Variants in SEMA5A observed in about 807,000 individuals in gnomAD.
The protein encoded by SEMA5A is semaphorin 5A, also known as semaphorin-5A.
In SEMA5A, 55 loss-of-function variants were observed where a neutral mutation model predicts 135.5. The ratio of observed to expected loss-of-function variants is 0.41; its 90% confidence interval spans 0.33 to 0.51. The LOEUF is 0.51. Among genes scored for constraint, SEMA5A ranks in the 20% least tolerant of loss-of-function variants. The pLI is 0.37. For missense variants in SEMA5A, 1,290 were observed against 1,419.9 expected (o/e 0.91, Z 1.47); for synonymous variants, 580 against 546.5 (o/e 1.06, Z -0.85).
At chr5:9,257,773 G>A (rs910256568) in intron 5 of SEMA5A, among the ~76,000 whole-genome samples, 2 of 152,086 alleles carry the variant, frequency 1.3e-5, no homozygotes, top group African/African-American at 4.8e-5. Context: ...AGGGCTTGCA[G>A]ATGTTTTATT....
intron 11 of SEMA5A, among the ~76,000 whole-genome samples, chr5:9,165,439 A>G (rs1186946898): frequency 1.3e-5 from 2 of 152,206 alleles, no homozygotes; most frequent in African/African-American, 4.8e-5. Flanking sequence ...AGTTTAAGGT[A>G]TTTTTAAAAT....
intron 13 of SEMA5A, among the ~76,000 whole-genome samples, chr5:9,135,212 G>A (rs563775136): frequency 6.9e-4 from 93 of 134,490 alleles, no homozygotes; most frequent in Non-Finnish European, 1.1e-3. Context: ...ATGGAGTTTC[G>A]CTCTGTCGCC....
At position 9,038,978 on chromosome 5, in the gene SEMA5A, C is replaced by T. The variant is rs1735809813; in HGVS notation, c.*3919G>A. 1 of 152,428 alleles carries T rather than the reference C, an allele frequency of 6.6e-6. No individual in the cohort carries two copies. The highest frequency in any genetic ancestry group is 1.5e-5 in the Non-Finnish European group (1 of 68,258). The allele number at this position is 152,428 out of a possible 1,614,324, so 9.4% of individuals were successfully genotyped here. A position where few individuals can be genotyped will look rare whatever the true frequency, so the allele number is the denominator to read the frequency against. On this transcript the variant is annotated 3_prime_UTR_variant, in exon 23 of 23. Coordinates refer to ENST00000382496, the MANE Select transcript of SEMA5A (RefSeq NM_003966.3). ...TCCTGAGCTCAGGTGATCCGCCCAC[C>T]TTGGCCTCCCAAAGTGCTGGGATTA...
At chr5:9,272,173 G>A (rs1002603111) in intron 5 of SEMA5A, among the ~76,000 whole-genome samples, 4 of 152,100 alleles carry the variant, frequency 2.6e-5, no homozygotes, top group Non-Finnish European at 5.9e-5. Flanking sequence ...CTGGAGCTTG[G>A]TGGGGGTGTA....
intron 3 of SEMA5A, among the ~76,000 whole-genome samples, chr5:9,340,502 G>T (rs1296143574): frequency 1.3e-5 from 2 of 152,206 alleles, no homozygotes; most frequent in African/African-American, 4.8e-5. Flanking sequence ...ACAGGAACCA[G>T]GCTAAAGAGA....
chr5:9,158,430 T>C (rs1467723237), intron 11 of SEMA5A, among the ~76,000 whole-genome samples: 1 of 152,042 alleles, frequency 6.6e-6, no homozygotes, highest in Non-Finnish European at 1.5e-5. Context: ...TAACCAAAGT[T>C]ATTTGCATGA....
intron 16 of SEMA5A, among the ~76,000 whole-genome samples, chr5:9,092,294 A>C (rs528903152): frequency 6.6e-6 from 1 of 152,242 alleles, no homozygotes; most frequent in Non-Finnish European, 1.5e-5. Flanking sequence ...AAAAGGGCTC[A>C]AGGCCATTAT....
Position 9,337,726 on chromosome 5 carries a change from C to T in SEMA5A, c.211G>A (p.Val71Ile). The T allele has an allele frequency of 1.2e-6, 2 of 1,609,288 alleles. No individual in the cohort carries two copies. Among genetic ancestry groups the T allele is most frequent in the East Asian group, 2.2e-5 (1 of 44,706 alleles). Residue 71 changes from valine (V) to isoleucine (I), a missense_variant, in exon 4 of 23, where the codon GTT becomes ATT. By Grantham distance (29) the Val-to-Ile change is conservative. Transcript: ENST00000382496. ...AATATCTCTCACCTTGCTCCTACAA[C>T]AAGTTCTTTCTGTCCTGGGTCAAAT... is the stretch of plus-strand genomic sequence containing the variant. ...LTFDPGQKEL[V>I]VGARNYLFRL...
At chr5:9,453,119 T>A (rs1451703212) in intron 1 of SEMA5A, among the ~76,000 whole-genome samples, 1 of 152,236 alleles carries the variant, frequency 6.6e-6, no homozygotes, top group African/African-American at 2.4e-5. Context: ...AGATGTTATT[T>A]ATTTTACATA....
intron 3 of SEMA5A, among the ~76,000 whole-genome samples, chr5:9,366,412 G>A (rs552896031): frequency 1.0e-4 from 15 of 147,190 alleles, no homozygotes; most frequent in Non-Finnish European, 2.2e-4. Context: ...TTTTTTAGAT[G>A]GAGTCTCGCT....
At chr5:9,313,101 G>C (rs1435942003) in intron 5 of SEMA5A, among the ~76,000 whole-genome samples, 1 of 152,074 alleles carries the variant, frequency 6.6e-6, no homozygotes, top group Non-Finnish European at 1.5e-5. Flanking sequence ...CAATGCAGTG[G>C]GGTCTCCAGA....
chr5:9,358,397 C>T (rs16882519), intron 3 of SEMA5A, among the ~76,000 whole-genome samples: 3,854 of 152,200 alleles, frequency 0.025, 118 homozygotes, highest in East Asian at 0.13. Flanking sequence ...TGACGCCTGT[C>T]GTTCTGACTC....
At chr5:9,396,716 A>G (rs1208982908) in intron 2 of SEMA5A, among the ~76,000 whole-genome samples, 1 of 152,178 alleles carries the variant, frequency 6.6e-6, no homozygotes, top group Non-Finnish European at 1.5e-5. Flanking sequence ...CACTCCTTAC[A>G]GAGAGAACCC....
intron 12 of SEMA5A, among the ~76,000 whole-genome samples, chr5:9,147,723 C>CAAAAAA (rs1553992489): frequency 1.3e-5 from 1 of 77,536 alleles, no homozygotes. Flanking sequence ...ATAAAACAAA[C>CAAAAAA]CAAAAAAAAA....
chr5:9,046,387 T>C (rs546474169), intron 21 of SEMA5A, among the ~76,000 whole-genome samples: 1 of 152,264 alleles, frequency 6.6e-6, no homozygotes, highest in Non-Finnish European at 1.5e-5. Flanking sequence ...CCCCAGTCTG[T>C]CTCCTCCCCA....
At chr5:9,205,204 A>G (rs936353099) in intron 8 of SEMA5A, among the ~76,000 whole-genome samples, 3 of 152,180 alleles carry the variant, frequency 2.0e-5, no homozygotes, top group Non-Finnish European at 4.4e-5. Context: ...CTTTCCATGG[A>G]GACTGGTAAG....
At chr5:9,238,477 T>C (rs932160236) in intron 5 of SEMA5A, among the ~76,000 whole-genome samples, 1 of 152,178 alleles carries the variant, frequency 6.6e-6, no homozygotes, top group Non-Finnish European at 1.5e-5. Flanking sequence ...TCTGACTAAA[T>C]GTTTAGAGCC....
At chr5:9,236,231 T>A (rs1432256233) in intron 6 of SEMA5A, among the ~76,000 whole-genome samples, 1 of 152,170 alleles carries the variant, frequency 6.6e-6, no homozygotes, top group Non-Finnish European at 1.5e-5. Flanking sequence ...GAGGCATTGA[T>A]ATCCCCAGGC....
chr5:9,297,395 C>A lies in SEMA5A; in HGVS notation c.270+20977G>T, dbSNP rs191718261. Among the ~76,000 whole-genome samples, 355 of 152,136 alleles carry A rather than the reference C, an allele frequency of 2.3e-3. 1 individual carries two copies. The highest frequency in any genetic ancestry group is 3.8e-3 in the Non-Finnish European group (260 of 67,988). On this transcript the variant is annotated intron_variant, in intron 5 of 22. Coordinates refer to ENST00000382496, the MANE Select transcript of SEMA5A (RefSeq NM_003966.3). ...TGGTGATTAGGTCACGAGGGTGACACCTTCTGATTGAGATTAGTGCCCTGA... is the reference window on the plus strand; with the variant it reads ...TGGTGATTAGGTCACGAGGGTGACAACTTCTGATTGAGATTAGTGCCCTGA...
Sources: allele counts gnomAD v4.1 joint callset (sites outside exome capture counted in the v4.1 genomes callset), GRCh38; gene constraint gnomAD v4.1.1; transcripts MANE v1.5; gene names NCBI Gene and HGNC (gene_info 2026-07-23, HGNC 2026-07-21).